The following MTMR12 variants were observed in gnomAD, a reference collection of about 807,000 sequenced individuals.
The protein encoded by MTMR12 is myotubularin related protein 12.
A neutral mutation model predicts 96.7 loss-of-function variants in MTMR12; 33 were observed. The observed-to-expected ratio is 0.34, with a 90% CI of 0.26 to 0.46. The LOEUF (loss-of-function observed/expected upper bound fraction) is 0.46. Ranked by LOEUF, MTMR12 falls within the 20% of genes least tolerant of loss-of-function variation. The pLI is 1.00. For missense variants in MTMR12, 721 were observed against 896.1 expected (o/e 0.80, Z 2.49); for synonymous variants, 298 against 327.2 (o/e 0.91, Z 0.96).
chr5:32,280,217 G>C (rs977069062), intron 1 of MTMR12, among the ~76,000 whole-genome samples: 11 of 152,100 alleles, frequency 7.2e-5, no homozygotes, highest in African/African-American at 2.7e-4. Context: ...AAAGAACTAG[G>C]GTGTGTGGGG....
chr5:32,300,144 G>A (rs776695315), intron 1 of MTMR12, among the ~76,000 whole-genome samples: 1 of 152,168 alleles, frequency 6.6e-6, no homozygotes, highest in Non-Finnish European at 1.5e-5. Context: ...AATTTTAATA[G>A]TGCTTAGCAA....
At chr5:32,297,101 TAAAAA>T (rs762533446) in intron 1 of MTMR12, among the ~76,000 whole-genome samples, 1 of 126,740 alleles carries the variant, frequency 7.9e-6, no homozygotes. Flanking sequence ...AGACTCCGTC[TAAAAA>T]AAAAAAAAAA....
At chr5:32,267,937 G>A (rs1436988023) in intron 6 of MTMR12, among the ~76,000 whole-genome samples, 2 of 151,988 alleles carry the variant, frequency 1.3e-5, no homozygotes, top group Admixed American at 1.3e-4. Flanking sequence ...AGGTTCAAGC[G>A]ATTCTCCTGC....
intron 10 of MTMR12, chr5:32,247,766 G>A: frequency 2.0e-6 from 2 of 985,434 alleles, no homozygotes; most frequent in Non-Finnish European, 2.4e-6. Flanking sequence ...AAGGGGAGAA[G>A]AGGAGGGTGG....
intron 1 of MTMR12, among the ~76,000 whole-genome samples, chr5:32,297,019 T>C (rs1453182039): frequency 4.1e-5 from 6 of 148,094 alleles, no homozygotes; most frequent in Non-Finnish European, 8.9e-5. Context: ...AGGAGAATGG[T>C]GTGAACCTGG....
chr5:32,238,282 G>A (rs1013730641), intron 13 of MTMR12, among the ~76,000 whole-genome samples: 1 of 151,994 alleles, frequency 6.6e-6, no homozygotes, highest in African/African-American at 2.4e-5. Flanking sequence ...ATGGCTCACT[G>A]CAGCTTTGAC....
intron 7 of MTMR12, among the ~76,000 whole-genome samples, chr5:32,258,164 A>G (rs1184794344): frequency 6.6e-6 from 1 of 152,192 alleles, no homozygotes; most frequent in Non-Finnish European, 1.5e-5. Context: ...CTTAAAAGTA[A>G]TTAATGAAGA....
rs1270865329 is a variant in MTMR12 at position 32,230,101 on chromosome 5, G to A, written c.1921C>T (p.Gln641Ter). Residue 641 changes from glutamine to a stop codon, truncating the protein, a stop_gained, in exon 16 of 16, where the codon CAG (glutamine) becomes TAG (stop). Transcript: ENST00000382142. LOFTEE classifies it high-confidence loss of function. ...TCTGGAATCCAACGTAGGTAGCGCTGGGCCCAGACTTTGATTTCGGGCCCC... is the reference window on the plus strand; with the variant it reads ...TCTGGAATCCAACGTAGGTAGCGCTAGGCCCAGACTTTGATTTCGGGCCCC... ...IEGPEIKVWA[Q>*]RYLRWIPEAQ... 1 of 1,612,508 alleles carries A rather than the reference G, an allele frequency of 6.2e-7. No homozygotes were observed. Among genetic ancestry groups the A allele is most frequent in the Admixed American group, 1.7e-5 (1 of 59,896 alleles).
At chr5:32,276,599 T>A (rs1354043890) in intron 2 of MTMR12, 83 bp downstream of exon 2, 1 of 1,211,858 alleles carries the variant, frequency 8.3e-7, no homozygotes, top group African/African-American at 1.5e-5. Flanking sequence ...ACAAAGGAGT[T>A]TAAATATAGC....
In MTMR12 at chr5:32,309,786, TA is replaced by T. The variant is rs369114652; in HGVS notation, c.81+2971del. The T allele has an allele frequency of 8.7e-3, 1,254 of 144,828 alleles. 16 individuals are homozygous for T. Among genetic ancestry groups the T allele is most frequent in the African/African-American group, 0.028 (1,099 of 39,702 alleles). 9.0% of individuals were successfully genotyped at this position (144,828 alleles called of 1,614,324 possible). A position where few individuals can be genotyped will look rare whatever the true frequency, so the allele number is the denominator to read the frequency against. The stretch of plus-strand genomic sequence containing the variant: ...ATATTTTTAACAAACCCTTAAATGT[TA>T]AAAAAAAAAAGTATGAGATATCATC... On this transcript the variant is annotated intron_variant, in intron 1 of 15. Coordinates refer to ENST00000382142, the MANE Select transcript of MTMR12 (RefSeq NM_001040446.3).
At chr5:32,235,869 G>A (rs978907907) in intron 13 of MTMR12, among the ~76,000 whole-genome samples, 1 of 152,186 alleles carries the variant, frequency 6.6e-6, no homozygotes, top group African/African-American at 2.4e-5. Context: ...CAGTGATCCT[G>A]CCAGGGGGCT....
rs761797138 is a variant in MTMR12 at position 32,230,341 on chromosome 5, G to A, written c.1681C>T (p.Arg561Ter). Residue 561 changes from arginine to a stop codon, truncating the protein, a stop_gained, in exon 16 of 16, where the codon CGA becomes TGA. Coordinates refer to ENST00000382142, the MANE Select transcript of MTMR12 (RefSeq NM_001040446.3). LOFTEE classifies it high-confidence loss of function. ...TGTGTAAGTGGCAAAGAAAGTTGTC[G>A]TTGATGCTTTGAGAGAAAACACAAA... ...QRKGMRFKHQ[R>*]QLSLPLTQSK... 3 of 1,600,770 alleles carry A rather than the reference G, an allele frequency of 1.9e-6. No homozygotes were observed. Among genetic ancestry groups the A allele is most frequent in the Non-Finnish European group, 2.6e-6 (3 of 1,175,194 alleles).
chr5:32,268,682 G>T lies in MTMR12; in HGVS notation c.583+19C>A. 6.2e-7 allele frequency: 1 copy of T among 1,600,370 alleles called. No homozygotes were observed. Among genetic ancestry groups the T allele is most frequent in the Non-Finnish European group, 8.6e-7 (1 of 1,167,662 alleles). Reference sequence around the variant, plus strand: ...AAGGCTTCTGCTTACCCTCAAATTAGAACCCAGAAGATATTTACCTGTATT... The same window carrying T: ...AAGGCTTCTGCTTACCCTCAAATTATAACCCAGAAGATATTTACCTGTATT... On this transcript the variant is annotated intron_variant, in intron 6 of 15. Coordinates refer to ENST00000382142, the MANE Select transcript of MTMR12 (RefSeq NM_001040446.3).
chr5:32,250,662 G>A (rs754094724), intron 8 of MTMR12, among the ~76,000 whole-genome samples: 3 of 152,190 alleles, frequency 2.0e-5, no homozygotes, highest in Non-Finnish European at 4.4e-5. Flanking sequence ...AAGAAACTAA[G>A]TGTTCTTAAC....
intron 9 of MTMR12, among the ~76,000 whole-genome samples, 177 bp from the exon 10 acceptor site, chr5:32,248,303 G>A (rs961135933): frequency 8.5e-5 from 13 of 152,178 alleles, no homozygotes; most frequent in African/African-American, 3.1e-4. Flanking sequence ...AAATGGAGGT[G>A]CATAAAGTAA....
At chr5:32,246,246 A>C (rs1018900275) in intron 10 of MTMR12, among the ~76,000 whole-genome samples, 7 of 147,204 alleles carry the variant, frequency 4.8e-5, no homozygotes, top group African/African-American at 1.8e-4. Context: ...GGCTCACAGC[A>C]ACCTCCACCT....
At chr5:32,282,420 A>AAAATAAATAAAT (rs202223564) in intron 1 of MTMR12, among the ~76,000 whole-genome samples, 43 of 145,048 alleles carry the variant, frequency 3.0e-4, no homozygotes, top group Non-Finnish European at 4.2e-4. Flanking sequence ...GACTCCATCT[A>AAAATAAATAAAT]AAATAAATAA....
intron 7 of MTMR12, among the ~76,000 whole-genome samples, chr5:32,256,301 A>C (rs1561764088): frequency 6.6e-6 from 1 of 152,226 alleles, no homozygotes; most frequent in East Asian, 1.9e-4. Context: ...TAAGTACTGA[A>C]CATTACTTAT....
intron 10 of MTMR12, among the ~76,000 whole-genome samples, chr5:32,245,902 G>A (rs1748661607): frequency 6.6e-6 from 1 of 151,908 alleles, no homozygotes; most frequent in Admixed American, 6.6e-5. Flanking sequence ...AATGGCTGGA[G>A]CATCACAAAA....
Sources: gnomAD v4.1 joint callset for allele counts (sites outside exome capture counted in the v4.1 genomes callset) on GRCh38, gnomAD v4.1.1 for gene constraint, MANE v1.5 for transcripts, NCBI Gene and HGNC (gene_info 2026-07-23, HGNC 2026-07-21) for gene names.